The following PCDH9 variants were observed in gnomAD, a reference collection of about 807,000 sequenced individuals.
The protein encoded by PCDH9 is protocadherin-9.
PCDH9 carries 24 observed loss-of-function variants against 70.6 expected under a neutral mutation model. That is an observed-to-expected ratio of 0.34 (90% CI 0.25 to 0.48). The LOEUF is 0.48. Ranked by LOEUF, PCDH9 falls within the 20% of genes least tolerant of loss-of-function variation. The probability of loss-of-function intolerance (pLI) is 0.99; values close to 1 mark genes in which losing one functional copy is unlikely to be tolerated. For missense variants in PCDH9, 1,281 were observed against 1,503.6 expected (o/e 0.85, Z 2.45); for synonymous variants, 562 against 558.5 (o/e 1.01, Z -0.09).
At chr13:66,690,520 A>G (rs1459072138) in intron 3 of PCDH9, among the ~76,000 whole-genome samples, 1 of 152,200 alleles carries the variant, frequency 6.6e-6, no homozygotes, top group East Asian at 1.9e-4. Flanking sequence ...GAAGGTGTGT[A>G]ACAGACACAC....
intron 2 of PCDH9, among the ~76,000 whole-genome samples, chr13:66,981,481 A>C (rs1040439856): frequency 3.3e-5 from 5 of 151,416 alleles, no homozygotes; most frequent in Non-Finnish European, 1.5e-5. Context: ...TAATTCATTT[A>C]TACTAAAAAA....
At chr13:66,582,327 G>A (rs1000872917) in intron 4 of PCDH9, among the ~76,000 whole-genome samples, 1 of 152,118 alleles carries the variant, frequency 6.6e-6, no homozygotes, top group African/African-American at 2.4e-5. Flanking sequence ...ATCTCAAAAA[G>A]CTATTCATTT....
chr13:66,431,929 T>C (rs1957776762), intron 4 of PCDH9, among the ~76,000 whole-genome samples: 1 of 151,998 alleles, frequency 6.6e-6, no homozygotes, highest in Non-Finnish European at 1.5e-5. Flanking sequence ...AATGATCAGA[T>C]TCTAACATTG....
intron 3 of PCDH9, among the ~76,000 whole-genome samples, chr13:66,719,643 T>C (rs1397596639): frequency 2.0e-5 from 3 of 152,208 alleles, no homozygotes; most frequent in Non-Finnish European, 2.9e-5. Context: ...TTGGACCAGT[T>C]TGAACAACAA....
At chr13:66,900,320 T>C (rs1168419815) in intron 3 of PCDH9, among the ~76,000 whole-genome samples, 1 of 151,940 alleles carries the variant, frequency 6.6e-6, no homozygotes, top group African/African-American at 2.4e-5. Flanking sequence ...ATGGGATTGC[T>C]GTCAGAATTA....
At chr13:66,676,267 C>T (rs1471726562) in intron 3 of PCDH9, among the ~76,000 whole-genome samples, 1 of 152,058 alleles carries the variant, frequency 6.6e-6, no homozygotes, top group Non-Finnish European at 1.5e-5. Flanking sequence ...GTATTTGCCT[C>T]ATTTTAAAGT....
intron 4 of PCDH9, among the ~76,000 whole-genome samples, chr13:66,604,482 A>T (rs1411442175): frequency 6.6e-6 from 1 of 152,030 alleles, no homozygotes; most frequent in Non-Finnish European, 1.5e-5. Flanking sequence ...AATTAAACCT[A>T]TGTTTGTGAT....
intron 3 of PCDH9, among the ~76,000 whole-genome samples, chr13:66,817,240 C>A (rs1249199567): frequency 6.6e-6 from 1 of 152,044 alleles, no homozygotes; most frequent in Non-Finnish European, 1.5e-5. Context: ...ACAAGAGCTG[C>A]ATAACATATT....
intron 2 of PCDH9, among the ~76,000 whole-genome samples, chr13:67,015,641 C>T (rs967917324): frequency 1.3e-5 from 2 of 152,140 alleles, no homozygotes; most frequent in African/African-American, 4.8e-5. Flanking sequence ...ATAGAACATA[C>T]ATTGAACAGA....
chr13:66,866,300 G>A (rs2081573531), intron 3 of PCDH9, among the ~76,000 whole-genome samples: 1 of 151,882 alleles, frequency 6.6e-6, no homozygotes, highest in African/African-American at 2.4e-5. Flanking sequence ...GGCTAATACG[G>A]TGAAACCCCG....
chr13:67,219,871 G>A (rs1366998744), intron 2 of PCDH9: 1 of 151,884 alleles, frequency 6.6e-6, no homozygotes, highest in Non-Finnish European at 1.5e-5. Flanking sequence ...TTATCTTCAA[G>A]AAAACACCAA....
At chr13:66,355,776 C>G (rs1956372843) in intron 4 of PCDH9, among the ~76,000 whole-genome samples, 1 of 151,986 alleles carries the variant, frequency 6.6e-6, no homozygotes, top group African/African-American at 2.4e-5. Flanking sequence ...TTGTACTTCC[C>G]CAAGGAGAAA....
chr13:67,057,629 T>G (rs955483226), intron 2 of PCDH9, among the ~76,000 whole-genome samples: 3 of 152,022 alleles, frequency 2.0e-5, no homozygotes, highest in African/African-American at 7.2e-5. Context: ...TAATAAAGAT[T>G]GACTTTGAAT....
intron 4 of PCDH9, among the ~76,000 whole-genome samples, chr13:66,556,033 G>A (rs1034642029): frequency 1.3e-5 from 2 of 149,958 alleles, no homozygotes; most frequent in African/African-American, 2.4e-5. Flanking sequence ...ACACAGTTCC[G>A]ATAAGTTTTC....
intron 4 of PCDH9, among the ~76,000 whole-genome samples, chr13:66,379,872 A>T (rs996937152): frequency 2.0e-5 from 3 of 151,900 alleles, no homozygotes; most frequent in African/African-American, 4.8e-5. Flanking sequence ...ACTCTGATTT[A>T]AAAAAAACAA....
At chr13:66,755,409 T>C (rs2079524740) in intron 3 of PCDH9, among the ~76,000 whole-genome samples, 1 of 152,158 alleles carries the variant, frequency 6.6e-6, no homozygotes, top group Non-Finnish European at 1.5e-5. Flanking sequence ...CCAGCACATG[T>C]CTGTTTCGTT....
Position 66,769,782 on chromosome 13 carries a change from T to C in PCDH9, c.3138+133722A>G, listed in dbSNP as rs149996736. Among the ~76,000 whole-genome samples the C allele has an allele frequency of 3.0e-3, 459 of 152,258 alleles. 2 individuals are homozygous for C. The highest frequency in any genetic ancestry group is 3.4e-3 in the Non-Finnish European group (232 of 68,020). ...AATTGTAGAGCCTAAGGGAACCTCATTGATCATTTATCTGGCCAAATCTCA... is the reference window on the plus strand; with the variant it reads ...AATTGTAGAGCCTAAGGGAACCTCACTGATCATTTATCTGGCCAAATCTCA... On this transcript the variant is annotated intron_variant, in intron 3 of 4. Coordinates refer to ENST00000377865, the MANE Select transcript of PCDH9 (RefSeq NM_203487.3).
chr13:66,429,048 T>G (rs1957721776), intron 4 of PCDH9, among the ~76,000 whole-genome samples: 1 of 148,654 alleles, frequency 6.7e-6, no homozygotes, highest in Non-Finnish European at 1.5e-5. Flanking sequence ...GTGATTAAAT[T>G]AGTTCTAGCA....
At chr13:66,731,917 T>C (rs2079084763) in intron 3 of PCDH9, among the ~76,000 whole-genome samples, 1 of 152,040 alleles carries the variant, frequency 6.6e-6, no homozygotes, top group Non-Finnish European at 1.5e-5. Flanking sequence ...AAACATTTGA[T>C]GTCACTGTTT....
Sources: allele counts gnomAD v4.1 joint callset (sites outside exome capture counted in the v4.1 genomes callset), GRCh38; gene constraint gnomAD v4.1.1; transcripts MANE v1.5; gene names NCBI Gene and HGNC (gene_info 2026-07-23, HGNC 2026-07-21).